Variants in PCDH9 observed in about 807,000 individuals in gnomAD.
The protein encoded by PCDH9 is protocadherin-9.
A neutral mutation model predicts 70.6 loss-of-function variants in PCDH9; 24 were observed. That is an observed-to-expected ratio of 0.34 (90% CI 0.25 to 0.48). The LOEUF is 0.48. Ranked by LOEUF, PCDH9 falls within the 20% of genes least tolerant of loss-of-function variation. PCDH9 has a pLI of 0.99. For synonymous variants in PCDH9, 562 were observed against 558.5 expected, an observed-to-expected ratio of 1.01 and a Z score of -0.09; for missense variants, 1,281 against 1,503.6, an observed-to-expected ratio of 0.85 and a Z score of 2.45.
At chr13:66,917,637 T>C (rs1049830240) in intron 2 of PCDH9, among the ~76,000 whole-genome samples, 6 of 151,404 alleles carry the variant, frequency 4.0e-5, no homozygotes, top group African/African-American at 1.5e-4. Flanking sequence ...GAGAATCAGA[T>C]ACAAATAGAA....
chr13:66,924,175 C>T (rs1485304949), intron 2 of PCDH9, among the ~76,000 whole-genome samples: 1 of 151,648 alleles, frequency 6.6e-6, no homozygotes, highest in Non-Finnish European at 1.5e-5. Flanking sequence ...ATTTGTAAAC[C>T]CCTCTTCTAA....
intron 4 of PCDH9, among the ~76,000 whole-genome samples, chr13:66,342,582 T>G (rs1358172131): frequency 6.6e-6 from 1 of 152,080 alleles, no homozygotes; most frequent in African/African-American, 2.4e-5. Flanking sequence ...ACATTCAGGA[T>G]GCAAACCCTT....
intron 2 of PCDH9, among the ~76,000 whole-genome samples, chr13:67,136,323 C>T (rs374790775): frequency 2.6e-5 from 4 of 152,162 alleles, no homozygotes; most frequent in South Asian, 4.1e-4. Flanking sequence ...GTTAACACAG[C>T]GACAAAATTG....
chr13:66,816,838 A>T (rs2139372057), intron 3 of PCDH9, among the ~76,000 whole-genome samples: 1 of 146,030 alleles, frequency 6.8e-6, no homozygotes. Flanking sequence ...TAAAAGACAC[A>T]AGTTTTTGTA....
chr13:66,821,378 C>A (rs537305550), intron 3 of PCDH9, among the ~76,000 whole-genome samples: 15 of 152,172 alleles, frequency 9.9e-5, no homozygotes, highest in South Asian at 4.2e-4. Flanking sequence ...TCTTTTTGAA[C>A]CTTACAGAGT....
intron 3 of PCDH9, among the ~76,000 whole-genome samples, chr13:66,816,600 T>C (rs1353412886): frequency 6.6e-6 from 1 of 152,158 alleles, no homozygotes; most frequent in Non-Finnish European, 1.5e-5. Context: ...AATTCCTCTT[T>C]TGGTATTTCA....
At chr13:67,028,117 C>A (rs155013) in intron 2 of PCDH9, among the ~76,000 whole-genome samples, 85,710 of 147,048 alleles carry the variant, frequency 0.58, 25,589 homozygotes, top group East Asian at 0.95. Flanking sequence ...GACACATGCA[C>A]ACATATGTTT....
At chr13:66,738,128 C>T (rs1374883851) in intron 3 of PCDH9, among the ~76,000 whole-genome samples, 6 of 152,168 alleles carry the variant, frequency 3.9e-5, no homozygotes, top group East Asian at 3.9e-4. Context: ...GTTCTCCCAG[C>T]ACGCAGCTGG....
intron 2 of PCDH9, among the ~76,000 whole-genome samples, chr13:67,061,312 C>G (rs1418621052): frequency 6.6e-6 from 1 of 151,894 alleles, no homozygotes; most frequent in Non-Finnish European, 1.5e-5. Context: ...GTTTATTTGA[C>G]TACCTCAACT....
chr13:66,893,395 C>G (rs1480874048), intron 3 of PCDH9, among the ~76,000 whole-genome samples: 2 of 152,244 alleles, frequency 1.3e-5, no homozygotes, highest in East Asian at 3.9e-4. Context: ...AGATTAGTGG[C>G]TAAGAGCACA....
chr13:66,874,942 TGAGA>T (rs1555279830), intron 3 of PCDH9, among the ~76,000 whole-genome samples: 23 of 109,992 alleles, frequency 2.1e-4, no homozygotes, highest in Non-Finnish European at 3.3e-4. Flanking sequence ...TGTGTGTGTG[TGAGA>T]GAGAGAGAGA....
intron 3 of PCDH9, among the ~76,000 whole-genome samples, chr13:66,863,660 G>C (rs2081521829): frequency 6.6e-6 from 1 of 151,996 alleles, no homozygotes; most frequent in Non-Finnish European, 1.5e-5. Flanking sequence ...TAATTTGTTT[G>C]TATTTTTAGT....
chr13:66,580,626 G>T (rs1295011928), intron 4 of PCDH9, among the ~76,000 whole-genome samples: 1 of 151,352 alleles, frequency 6.6e-6, no homozygotes, highest in African/African-American at 2.4e-5. Flanking sequence ...ACCCCAAAAA[G>T]ATGTCCTTAC....
At chr13:66,539,459 C>T (rs1960851430) in intron 4 of PCDH9, among the ~76,000 whole-genome samples, 3 of 151,972 alleles carry the variant, frequency 2.0e-5, no homozygotes, top group Non-Finnish European at 4.4e-5. Flanking sequence ...GGGCCTTTCC[C>T]CCTTTTGCTT....
intron 4 of PCDH9, among the ~76,000 whole-genome samples, chr13:66,580,898 C>G (rs989860519): frequency 3.3e-5 from 5 of 152,084 alleles, no homozygotes; most frequent in Admixed American, 2.0e-4. Context: ...ATAGAAGTAA[C>G]TATGAAAGAT....
At chr13:66,528,436 T>C (rs1222968152) in intron 4 of PCDH9, among the ~76,000 whole-genome samples, 3 of 152,146 alleles carry the variant, frequency 2.0e-5, no homozygotes, top group Non-Finnish European at 4.4e-5. Flanking sequence ...AGAAACAAAG[T>C]ACTGGCATCT....
chr13:66,577,680 G>GGCCAGTAAGCCTATAGTA (rs2076834239), intron 4 of PCDH9, among the ~76,000 whole-genome samples: 1 of 151,926 alleles, frequency 6.6e-6, no homozygotes, highest in African/African-American at 2.4e-5. Context: ...CTGGCTTACT[G>GGCCAGTAAGCCTATAGTA]ATAGGAGATT....
At chr13:66,562,161 C>T (rs942380052) in intron 4 of PCDH9, among the ~76,000 whole-genome samples, 34 of 151,882 alleles carry the variant, frequency 2.2e-4, no homozygotes, top group African/African-American at 7.3e-4. Flanking sequence ...CCACCAATTC[C>T]GGACACAGTA....
intron 3 of PCDH9, among the ~76,000 whole-genome samples, chr13:66,745,590 C>A (rs148950820): frequency 6.6e-6 from 1 of 152,050 alleles, no homozygotes; most frequent in African/African-American, 2.4e-5. Flanking sequence ...GAGCTTTCAC[C>A]AACACACTGA....
Sources: allele counts gnomAD v4.1 joint callset (sites outside exome capture counted in the v4.1 genomes callset), GRCh38; gene constraint gnomAD v4.1.1; transcripts MANE v1.5; gene names NCBI Gene and HGNC (gene_info 2026-07-23, HGNC 2026-07-21).